TAF12: variants seen among roughly 807,000 people sequenced by gnomAD.
TAF12 encodes TATA-box binding protein associated factor 12, also known as transcription initiation factor TFIID subunit 12.
TAF12 carries 3 observed loss-of-function variants against 20.8 expected under a neutral mutation model. That is an observed-to-expected ratio of 0.14 (90% CI 0.07 to 0.37). The LOEUF (loss-of-function observed/expected upper bound fraction) is 0.37, where lower values mean the gene tolerates loss of function less well. Ranked by LOEUF, TAF12 falls within the 10% of genes least tolerant of loss-of-function variation. TAF12 has a pLI of 1.00. For synonymous variants in TAF12, 69 were observed against 70.2 expected (o/e 0.98, Z 0.09); for missense variants, 131 against 197.9 (o/e 0.66, Z 2.03).
chr1:28,622,472 A>G (rs1667250889), intron 1 of TAF12, among the ~76,000 whole-genome samples: 1 of 152,152 alleles, frequency 6.6e-6, no homozygotes, highest in Non-Finnish European at 1.5e-5. Context: ...AATTGAGGGA[A>G]TGAAGAATGT....
intron 2 of TAF12, 45 bp from the exon 3 acceptor site, chr1:28,618,075 A>G (rs749809621): frequency 6.4e-7 from 1 of 1,554,024 alleles, no homozygotes; most frequent in South Asian, 1.1e-5. Context: ...TATTAAGGAA[A>G]TGAAACAAAT....
chr1:28,607,249 T>C (rs1666696291), intron 4 of TAF12, among the ~76,000 whole-genome samples: 1 of 152,240 alleles, frequency 6.6e-6, no homozygotes, highest in African/African-American at 2.4e-5. Context: ...AAAGTGACAC[T>C]GGCCAGATGT....
intron 2 of TAF12, among the ~76,000 whole-genome samples, chr1:28,618,480 A>G (rs1020895021): frequency 2.7e-5 from 4 of 149,692 alleles, no homozygotes; most frequent in Non-Finnish European, 5.9e-5. Flanking sequence ...AAGCTCTCCC[A>G]CCTAAGCTTC....
At chr1:28,627,625 G>A (rs1433568043) in intron 1 of TAF12, among the ~76,000 whole-genome samples, 9 of 142,774 alleles carry the variant, frequency 6.3e-5, no homozygotes, top group African/African-American at 2.1e-4. Flanking sequence ...CCCAGGAGGC[G>A]GAGCTTGCAG....
chr1:28,617,266 G>A (rs999165306), intron 3 of TAF12, among the ~76,000 whole-genome samples: 1 of 152,072 alleles, frequency 6.6e-6, no homozygotes, highest in African/African-American at 2.4e-5. Flanking sequence ...TTTTTAACAG[G>A]CAAAAGTAGC....
intron 4 of TAF12, among the ~76,000 whole-genome samples, chr1:28,608,344 CA>C (rs367620466): frequency 2.9e-4 from 42 of 143,440 alleles, no homozygotes; most frequent in South Asian, 2.2e-3. Flanking sequence ...GGCTCCATCT[CA>C]AAAAAAAAAG....
intron 4 of TAF12, among the ~76,000 whole-genome samples, chr1:28,608,175 C>CAAAAAAAA (rs58747974): frequency 5.3e-4 from 34 of 63,700 alleles, no homozygotes; most frequent in African/African-American, 1.3e-3. Context: ...ACTAAAAATA[C>CAAAAAAAA]AAAAAAAAAA....
At chr1:28,621,248 T>G (rs930130068) in intron 2 of TAF12, among the ~76,000 whole-genome samples, 6 of 152,282 alleles carry the variant, frequency 3.9e-5, no homozygotes, top group African/African-American at 1.4e-4. Flanking sequence ...CTTGAAATAC[T>G]GGGCGAACTC....
At chr1:28,619,433 G>A (rs907757752) in intron 2 of TAF12, among the ~76,000 whole-genome samples, 63 of 148,534 alleles carry the variant, frequency 4.2e-4, no homozygotes, top group African/African-American at 1.5e-3. Flanking sequence ...GGGAGGCAGA[G>A]CTTGCAGTGA....
At chr1:28,611,719 T>G (rs1666866793) in intron 4 of TAF12, among the ~76,000 whole-genome samples, 1 of 152,114 alleles carries the variant, frequency 6.6e-6, no homozygotes, top group African/African-American at 2.4e-5. Flanking sequence ...CTGCTGACAC[T>G]TAGATTTCAG....
intron 5 of TAF12, among the ~76,000 whole-genome samples, chr1:28,605,000 C>T (rs1666616680): frequency 6.6e-6 from 1 of 152,172 alleles, no homozygotes. Context: ...CTTTCTTTAA[C>T]CTGCCCTCTC....
At chr1:28,629,517 G>C (rs575572453) in intron 1 of TAF12, among the ~76,000 whole-genome samples, 2 of 152,050 alleles carry the variant, frequency 1.3e-5, no homozygotes, top group Non-Finnish European at 2.9e-5. Flanking sequence ...TGTATTATTA[G>C]TAGAGATGGA....
At chr1:28,638,040 G>T (rs1171010007) in intron 1 of TAF12, among the ~76,000 whole-genome samples, 1 of 151,730 alleles carries the variant, frequency 6.6e-6, no homozygotes, top group African/African-American at 2.4e-5. Flanking sequence ...TCGCTCTGTC[G>T]CTCAGGCTGG....
chr1:28,632,884 G>C (rs1667681937), intron 1 of TAF12, among the ~76,000 whole-genome samples: 1 of 151,646 alleles, frequency 6.6e-6, no homozygotes, highest in African/African-American at 2.4e-5. Context: ...GTATTTTTTT[G>C]GTGGAGTTCC....
chr1:28,611,577 C>T lies in TAF12; in HGVS notation c.361+1670G>A, dbSNP rs368882960. 1.1e-4 allele frequency among the ~76,000 whole-genome samples: 16 copies of T among 151,896 alleles called. No homozygotes were observed. In the South Asian group the frequency reaches 2.3e-3, roughly 22 times the overall value. On this transcript the variant is annotated intron_variant, in intron 4 of 5. Transcript: ENST00000373824. ...ACAGAGACACAGAGGGAAAAGGCCA[C>T]GTAAAGACCGTGGCAAAGCCTGGAT...
intron 2 of TAF12, among the ~76,000 whole-genome samples, chr1:28,620,090 CT>C (rs1395364464): frequency 2.1e-4 from 32 of 151,778 alleles, no homozygotes; most frequent in African/African-American, 7.0e-4. Context: ...TCTGAAGTTT[CT>C]GTGATGAACA....
intron 1 of TAF12, among the ~76,000 whole-genome samples, chr1:28,639,512 T>C (rs1039473856): frequency 6.6e-6 from 1 of 152,046 alleles, no homozygotes; most frequent in Non-Finnish European, 1.5e-5. Context: ...GATCGGGTAT[T>C]TTGAAGTCCT....
intron 2 of TAF12, among the ~76,000 whole-genome samples, chr1:28,620,561 G>A (rs923313868): frequency 1.3e-5 from 2 of 151,844 alleles, no homozygotes; most frequent in Non-Finnish European, 2.9e-5. Context: ...TCAGCCTCCC[G>A]AGTAGCTGGG....
chr1:28,625,149 C>A (rs1463683936), intron 1 of TAF12, among the ~76,000 whole-genome samples: 1 of 152,220 alleles, frequency 6.6e-6, no homozygotes, highest in Non-Finnish European at 1.5e-5. Context: ...AACATTCCCA[C>A]AACCTTCAAG....
Sources: gnomAD v4.1 joint callset for allele counts (sites outside exome capture counted in the v4.1 genomes callset) on GRCh38, gnomAD v4.1.1 for gene constraint, MANE v1.5 for transcripts, NCBI Gene and HGNC (gene_info 2026-07-23, HGNC 2026-07-21) for gene names.